FAM3B: variants seen among roughly 807,000 people sequenced by gnomAD.
FAM3B encodes the protein protein FAM3B.
Under a neutral mutation model 28.4 loss-of-function variants are expected in FAM3B, and 29 were observed. That is an observed-to-expected ratio of 1.02 (90% confidence interval 0.76 to 1.39). The LOEUF (loss-of-function observed/expected upper bound fraction) is 1.39. Among genes scored for constraint, FAM3B ranks in the 40% most tolerant of loss-of-function variants. FAM3B has a pLI of 0.00. For synonymous variants in FAM3B, 91 were observed against 103.0 expected, an observed-to-expected ratio of 0.88 and a Z score of 0.71; for missense variants, 266 against 293.9, an observed-to-expected ratio of 0.91 and a Z score of 0.69.
chr21:41,304,244 G>A, exon 1 of FAM3B: 1 of 455,962 alleles, frequency 2.2e-6, no homozygotes, highest in Non-Finnish European at 4.4e-6. Context: ...GCTGGGCTCG[G>A]CGGGCATGGC....
At chr21:41,352,784 A>C (rs1353924144) in intron 7 of FAM3B, among the ~76,000 whole-genome samples, 1 of 135,000 alleles carries the variant, frequency 7.4e-6, no homozygotes, top group Non-Finnish European at 1.5e-5. Context: ...ACATTAGCGA[A>C]ACTCCATCTC....
chr21:41,349,075 G>A (rs1293051395), intron 7 of FAM3B, among the ~76,000 whole-genome samples: 1 of 152,220 alleles, frequency 6.6e-6, no homozygotes, highest in African/African-American at 2.4e-5. Context: ...CAGACATGGT[G>A]AATGCAAAAC....
chr21:41,323,150 C>CT, intron 2 of FAM3B, 84 bp downstream of exon 2: 1 of 1,551,026 alleles, frequency 6.4e-7, no homozygotes, highest in Non-Finnish European at 8.7e-7. Context: ...CAGCTGGAGG[C>CT]TGGGGGGCCC....
At chr21:41,335,834 A>G (rs1278876066) in intron 2 of FAM3B, among the ~76,000 whole-genome samples, 1 of 152,190 alleles carries the variant, frequency 6.6e-6, no homozygotes, top group Non-Finnish European at 1.5e-5. Flanking sequence ...TCTGTCCTGG[A>G]AGACATTCCA....
chr21:41,313,391 G>A (rs1326358820), upstream of FAM3B, among the ~76,000 whole-genome samples: 1 of 152,212 alleles, frequency 6.6e-6, no homozygotes, highest in Admixed American at 6.5e-5. Context: ...TCTGCACTCA[G>A]GGGAAACCAC....
At chr21:41,305,102 A>T (rs565001626) in intron 1 of FAM3B, among the ~76,000 whole-genome samples, 13 of 152,314 alleles carry the variant, frequency 8.5e-5, no homozygotes, top group African/African-American at 3.1e-4. Context: ...GGAAATGTGT[A>T]CAAAATCATG....
intron 7 of FAM3B, among the ~76,000 whole-genome samples, chr21:41,349,942 C>T (rs73226194): frequency 0.14 from 21,163 of 152,120 alleles, 3,335 homozygotes; most frequent in African/African-American, 0.39. Context: ...CCCCTCCTTG[C>T]TTATGACTGT....
Position 41,347,006 on chromosome 21 carries a change from C to T in FAM3B, c.398-7C>T, listed in dbSNP as rs1170542691. 6.2e-7 allele frequency: 1 copy of T among 1,613,760 alleles called. No homozygotes were observed. Among genetic ancestry groups the T allele is most frequent in the Non-Finnish European group, 8.5e-7 (1 of 1,179,790 alleles). On this transcript the variant is annotated splice_polypyrimidine_tract_variant and splice_region_variant and intron_variant, in intron 5 of 7. Transcript: ENST00000357985. ...AGACCCTAAAACTGACTTGCATCCCCCAATAGATAACTCTGGACCGATGAC... is the reference window on the plus strand; with the variant it reads ...AGACCCTAAAACTGACTTGCATCCCTCAATAGATAACTCTGGACCGATGAC...
At chr21:41,344,133 A>G (rs1196088148) in intron 3 of FAM3B, among the ~76,000 whole-genome samples, 1 of 152,208 alleles carries the variant, frequency 6.6e-6, no homozygotes, top group Non-Finnish European at 1.5e-5. Flanking sequence ...AAATAAATAG[A>G]TAATAAATTA....
In FAM3B at chr21:41,329,672, C is replaced by T. The variant is rs868280878; in HGVS notation, c.163+6606C>T. Among the ~76,000 whole-genome samples the T allele has an allele frequency of 3.5e-4, 53 of 151,822 alleles. 1 individual carries two copies. The highest frequency in any genetic ancestry group is 1.1e-3 in the African/African-American group (44 of 41,296). ...GCAATCTCCGCCTCCTGGGTTCAAG[C>T]GATTCTCCTGCCTCAGCCTCCCAAG... is the stretch of plus-strand genomic sequence containing the variant. On this transcript the variant is annotated intron_variant, in intron 2 of 7. Coordinates refer to ENST00000357985, the MANE Select transcript of FAM3B (RefSeq NM_058186.4).
chr21:41,315,170 G>T (rs2088739090), upstream of FAM3B, among the ~76,000 whole-genome samples: 1 of 152,152 alleles, frequency 6.6e-6, no homozygotes, highest in East Asian at 1.9e-4. Flanking sequence ...GATACTAAGT[G>T]AAATAAACCA....
At chr21:41,337,723 T>C (rs541779505) in intron 2 of FAM3B, among the ~76,000 whole-genome samples, 19 of 151,788 alleles carry the variant, frequency 1.3e-4, no homozygotes, top group African/African-American at 4.3e-4. Flanking sequence ...TATGGTATGG[T>C]GTGCATGCGT....
At chr21:41,304,560 CCA>C (rs904297104) in intron 1 of FAM3B, among the ~76,000 whole-genome samples, 1 of 152,220 alleles carries the variant, frequency 6.6e-6, no homozygotes, top group African/African-American at 2.4e-5. Context: ...GCACTCATCC[CCA>C]GACAGGGGAT....
intron 2 of FAM3B, 131 bp from the exon 3 acceptor site, chr21:41,338,246 CT>C: frequency 1.0e-6 from 1 of 998,564 alleles, no homozygotes; most frequent in Non-Finnish European, 1.5e-6. Flanking sequence ...TCTGGAAACC[CT>C]TCCCCCTCAG....
chr21:41,329,759 G>A (rs964399905), intron 2 of FAM3B, among the ~76,000 whole-genome samples: 3 of 151,982 alleles, frequency 2.0e-5, no homozygotes, highest in South Asian at 2.1e-4. Context: ...TAGCAGAGAC[G>A]GTGTTTTGCC....
chr21:41,345,858 C>A (rs1285610718), intron 5 of FAM3B, 122 bp downstream of exon 5: 1 of 685,380 alleles, frequency 1.5e-6, no homozygotes, highest in East Asian at 2.8e-5. Context: ...AGCAGCTCTC[C>A]TGAGTAATCT....
chr21:41,352,940 T>G (rs1255679232), intron 7 of FAM3B, among the ~76,000 whole-genome samples: 1 of 152,166 alleles, frequency 6.6e-6, no homozygotes, highest in African/African-American at 2.4e-5. Flanking sequence ...ACTAAAAAAC[T>G]ATTTGAACTT....
At position 41,345,712 on chromosome 21, in the gene FAM3B, C is replaced by A; in HGVS notation, c.373C>A (p.Arg125=). 1 of 1,543,902 alleles carries A rather than the reference C, an allele frequency of 6.5e-7. No individual in the cohort carries two copies. Among genetic ancestry groups the A allele is most frequent in the African/African-American group, 1.4e-5 (1 of 70,362 alleles). The stretch of plus-strand genomic sequence containing the variant: ...TGTAACTGGGAATGTGACAGCAACA[C>A]GATGTTTTGATATGTATGAAGGTGG... The part of the protein sequence containing the change: ...NYVTGNVTAT[R]CFDMYEGDNS... The change falls in exon 5 of 8, where the codon CGA becomes AGA. Residue 125 remains arginine (R), a synonymous_variant. Transcript: ENST00000357985.
chr21:41,328,623 A>G (rs1208477264), intron 2 of FAM3B, among the ~76,000 whole-genome samples: 2 of 152,224 alleles, frequency 1.3e-5, no homozygotes, highest in African/African-American at 4.8e-5. Context: ...AATTACAGGC[A>G]TGAGCCACTG....
Sources: gnomAD v4.1 joint callset for allele counts (sites outside exome capture counted in the v4.1 genomes callset) on GRCh38, gnomAD v4.1.1 for gene constraint, MANE v1.5 for transcripts, NCBI Gene and HGNC (gene_info 2026-07-23, HGNC 2026-07-21) for gene names.